RHOU: variants seen among roughly 807,000 people sequenced by gnomAD.
RHOU encodes ras homolog family member U, also known as rho-related GTP-binding protein RhoU.
Under a neutral mutation model 12.6 loss-of-function variants are expected in RHOU, and 8 were observed. The observed-to-expected ratio is 0.64, with a 90% CI of 0.37 to 1.15. RHOU has a LOEUF of 1.15. Among genes scored for constraint, RHOU ranks in the 50% most tolerant of loss-of-function variants. The probability of loss-of-function intolerance (pLI) is 0.01; values close to 1 mark genes in which losing one functional copy is unlikely to be tolerated. For synonymous variants in RHOU, 161 were observed against 147.4 expected (o/e 1.09, Z -0.67); for missense variants, 258 against 347.0 (o/e 0.74, Z 2.04).
At chr1:228,727,901 C>T in the RHOU span, among the ~76,000 whole-genome samples, 3 of 152,124 alleles carry the variant, frequency 2.0e-5, no homozygotes, top group Admixed American at 6.5e-5. Flanking sequence ...TTCTTATCAT[C>T]TCTGAGAATT....
the RHOU span, among the ~76,000 whole-genome samples, chr1:228,693,012 CTG>C: frequency 1.3e-5 from 2 of 152,110 alleles, no homozygotes; most frequent in Non-Finnish European, 2.9e-5. Flanking sequence ...CAAAACCGTA[CTG>C]TGAGTCTTGG....
the RHOU span, among the ~76,000 whole-genome samples, chr1:228,712,212 G>T: frequency 6.6e-6 from 1 of 151,542 alleles, no homozygotes; most frequent in African/African-American, 2.4e-5. Context: ...ACTGTTGGTG[G>T]GACTGTAAAC....
the RHOU span, among the ~76,000 whole-genome samples, chr1:228,728,728 T>C: frequency 1.3e-5 from 2 of 152,156 alleles, no homozygotes; most frequent in Non-Finnish European, 1.5e-5. Flanking sequence ...ATGAAACAAA[T>C]ATATAGCCAA....
At chr1:228,674,859 T>C in the RHOU span, among the ~76,000 whole-genome samples, 1 of 152,104 alleles carries the variant, frequency 6.6e-6, no homozygotes, top group South Asian at 2.1e-4. Context: ...GCCTCCCAAG[T>C]AGCTGGGACT....
At chr1:228,685,465 A>G in the RHOU span, among the ~76,000 whole-genome samples, 4 of 152,204 alleles carry the variant, frequency 2.6e-5, no homozygotes, top group African/African-American at 9.6e-5. Context: ...CTGTAAAGAG[A>G]AATGACCACA....
At chr1:228,700,429 G>A in the RHOU span, among the ~76,000 whole-genome samples, 3,510 of 152,252 alleles carry the variant, frequency 0.023, 58 homozygotes, top group African/African-American at 0.04. Flanking sequence ...TAAATGATAC[G>A]ATTCTAGTCA....
chr1:228,721,990 A>C, the RHOU span, among the ~76,000 whole-genome samples: 1 of 152,160 alleles, frequency 6.6e-6, no homozygotes, highest in Non-Finnish European at 1.5e-5. Flanking sequence ...TTTCACTGAA[A>C]TCCAACCCAG....
At chr1:228,658,426 C>T in the RHOU span, among the ~76,000 whole-genome samples, 2 of 152,110 alleles carry the variant, frequency 1.3e-5, no homozygotes, top group Non-Finnish European at 2.9e-5. Context: ...GTCTCCTCCA[C>T]GTGGGGACAC....
At position 228,735,996 on chromosome 1, in the gene RHOU, A is replaced by C; in HGVS notation, c.254A>C (p.Asn85Thr). 6.4e-7 allele frequency: 1 copy of C among 1,573,534 alleles called. No homozygotes were observed. Among genetic ancestry groups the C allele is most frequent in the African/African-American group, 1.4e-5 (1 of 71,152 alleles). The change falls in exon 1 of 3, where the codon AAC becomes ACC. Residue 85 changes from asparagine to threonine, a missense_variant. Physicochemically the swap from Asn to Thr is moderately conservative, Grantham distance 65 (BLOSUM62 0). Transcript: ENST00000366691. This position sits in a 1 kb window ranked among gnomAD's most constrained non-coding sequence, Gnocchi z 8.1. Reference sequence around the variant, plus strand: ...GAGTACATCCCTACTGCCTTCGACAACTTCTCCGGTGAGCTGGCCGGGGGG... The same window carrying C: ...GAGTACATCCCTACTGCCTTCGACACCTTCTCCGGTGAGCTGGCCGGGGGG... ...PTEYIPTAFDNFSAVVSVDGR... is the reference protein window; with the variant it reads ...PTEYIPTAFDTFSAVVSVDGR...
the RHOU span, among the ~76,000 whole-genome samples, chr1:228,696,294 A>G: frequency 6.6e-6 from 1 of 150,830 alleles, no homozygotes; most frequent in African/African-American, 2.4e-5. Context: ...TTTACATCCA[A>G]GGAGAAGTAG....
chr1:228,647,632 G>T, the RHOU span, among the ~76,000 whole-genome samples: 3 of 152,330 alleles, frequency 2.0e-5, no homozygotes, highest in South Asian at 6.2e-4. Flanking sequence ...TTGCCTGGTG[G>T]ATCCGGGAGC....
the RHOU span, among the ~76,000 whole-genome samples, chr1:228,705,092 A>G: frequency 6.7e-6 from 1 of 149,820 alleles, no homozygotes; most frequent in Middle Eastern, 3.5e-3. Context: ...ATGAGCCACC[A>G]CACCTGGCCA....
the RHOU span, among the ~76,000 whole-genome samples, chr1:228,721,578 G>A: frequency 5.3e-4 from 80 of 152,318 alleles, no homozygotes; most frequent in African/African-American, 1.9e-3. Context: ...GATCCAGTGG[G>A]TGTGCTGGAC....
At chr1:228,646,991 G>A in the RHOU span, among the ~76,000 whole-genome samples, 1 of 151,348 alleles carries the variant, frequency 6.6e-6, no homozygotes, top group Non-Finnish European at 1.5e-5. Context: ...ACAGAGGGAA[G>A]GCTAGAGAAA....
At chr1:228,715,034 G>A in the RHOU span, among the ~76,000 whole-genome samples, 11 of 151,940 alleles carry the variant, frequency 7.2e-5, no homozygotes, top group Admixed American at 2.0e-4. Context: ...GAGCCACCGC[G>A]CCTGGCCAAT....
rs1662757366 is a variant in RHOU, at chr1:228,743,089, G to A, written c.322-196G>A. Among the ~76,000 whole-genome samples the A allele has an allele frequency of 6.6e-6, 1 of 152,188 alleles. No homozygotes were observed. Among genetic ancestry groups the A allele is most frequent in the Admixed American group, 6.5e-5 (1 of 15,272 alleles). On this transcript the variant is annotated intron_variant, in intron 2 of 2. Coordinates refer to ENST00000366691, the MANE Select transcript of RHOU (RefSeq NM_021205.6). This position sits in a 1 kb window ranked among gnomAD's most constrained non-coding sequence, Gnocchi z 5.1. ...ACCATAGCTGGCCCTGAAAGCAGATGGCTGCCACACCTTCGCTGGTGCACT... is the reference window on the plus strand; with the variant it reads ...ACCATAGCTGGCCCTGAAAGCAGATAGCTGCCACACCTTCGCTGGTGCACT...
the RHOU span, among the ~76,000 whole-genome samples, chr1:228,726,493 C>T: frequency 6.6e-6 from 1 of 151,996 alleles, no homozygotes; most frequent in Non-Finnish European, 1.5e-5. Context: ...GGTGAAACCC[C>T]GTCCGTACTA....
At chr1:228,718,096 A>G in the RHOU span, among the ~76,000 whole-genome samples, 2 of 152,228 alleles carry the variant, frequency 1.3e-5, no homozygotes, top group African/African-American at 4.8e-5. Flanking sequence ...CCTTGGGGAC[A>G]CTTAAATTAG....
the RHOU span, among the ~76,000 whole-genome samples, chr1:228,676,940 C>T: frequency 3.9e-5 from 6 of 152,196 alleles, no homozygotes; most frequent in African/African-American, 1.2e-4. Context: ...TGGATGTATG[C>T]ATGCAGGCCA....
Sources: allele counts gnomAD v4.1 joint callset (sites outside exome capture counted in the v4.1 genomes callset), GRCh38; gene constraint gnomAD v4.1.1; non-coding constraint Gnocchi (gnomAD v3.1); transcripts MANE v1.5; gene names NCBI Gene and HGNC (gene_info 2026-07-23, HGNC 2026-07-21).